Variants in PLCB1 observed in about 807,000 individuals in gnomAD.
PLCB1 encodes the protein 1-phosphatidylinositol 4,5-bisphosphate phosphodiesterase beta-1.
Under a neutral mutation model 161.8 loss-of-function variants are expected in PLCB1, and 46 were observed. That is an observed-to-expected ratio of 0.28 (90% confidence interval 0.22 to 0.36). The LOEUF (loss-of-function observed/expected upper bound fraction) is 0.36. Among genes scored for constraint, PLCB1 ranks in the 10% least tolerant of loss-of-function variants. PLCB1 has a pLI of 1.00. For missense variants in PLCB1, 1,016 were observed against 1,472.5 expected (o/e 0.69, Z 5.07); for synonymous variants, 517 against 503.7 (o/e 1.03, Z -0.35).
intron 3 of PLCB1, among the ~76,000 whole-genome samples, chr20:8,442,225 C>T (rs1013275184): frequency 1.3e-5 from 2 of 152,162 alleles, no homozygotes; most frequent in African/African-American, 4.8e-5. Context: ...CAGCAGAATA[C>T]ATGAGATGAT....
At chr20:8,225,453 C>T (rs1385815047) in intron 2 of PLCB1, among the ~76,000 whole-genome samples, 1 of 152,090 alleles carries the variant, frequency 6.6e-6, no homozygotes, top group African/African-American at 2.4e-5. Context: ...GCATATTTTC[C>T]AATTAAATAT....
At chr20:8,506,605 C>T (rs531039783) in intron 3 of PLCB1, among the ~76,000 whole-genome samples, 2 of 152,088 alleles carry the variant, frequency 1.3e-5, no homozygotes, top group Non-Finnish European at 2.9e-5. Flanking sequence ...AAATGAATTT[C>T]CATTTGTTGG....
At chr20:8,555,680 A>C (rs1184796501) in intron 3 of PLCB1, among the ~76,000 whole-genome samples, 3 of 152,132 alleles carry the variant, frequency 2.0e-5, no homozygotes, top group Admixed American at 6.6e-5. Flanking sequence ...TGATAAGGTA[A>C]AGCCAACTGT....
chr20:8,192,855 C>G (rs533103975), intron 2 of PLCB1, among the ~76,000 whole-genome samples: 34 of 151,856 alleles, frequency 2.2e-4, no homozygotes, highest in Admixed American at 6.6e-5. Flanking sequence ...ATGTGTGTGT[C>G]AGGGATTTCC....
In PLCB1 at chr20:8,704,072, G is replaced by A. The variant is rs151277870; in HGVS notation, c.1168-4598G>A. ...CATCATCAGAAAAGTTAGCAAAGAT[G>A]GCCAGGCGCAGTGGCTCATGCCTAT... On this transcript the variant is annotated intron_variant, in intron 11 of 31. Coordinates refer to ENST00000338037, the MANE Select transcript of PLCB1 (RefSeq NM_015192.4). 1.6e-4 allele frequency among the ~76,000 whole-genome samples: 24 copies of A among 152,288 alleles called. 1 individual carries two copies. In the East Asian group the frequency reaches 4.6e-3, roughly 29 times the overall value.
At chr20:8,247,756 G>T (rs2123216610) in intron 2 of PLCB1, among the ~76,000 whole-genome samples, 1 of 151,928 alleles carries the variant, frequency 6.6e-6, no homozygotes, top group East Asian at 2.0e-4. Flanking sequence ...ACCCTCTCAA[G>T]TCAGATCAGG....
intron 31 of PLCB1, among the ~76,000 whole-genome samples, chr20:8,811,880 T>A (rs895844702): frequency 6.6e-6 from 1 of 152,186 alleles, no homozygotes; most frequent in African/African-American, 2.4e-5. Context: ...AATAAACTCA[T>A]ATATTTCCTT....
intron 3 of PLCB1, among the ~76,000 whole-genome samples, chr20:8,435,909 C>T (rs907982574): frequency 3.9e-4 from 59 of 152,188 alleles, no homozygotes; most frequent in African/African-American, 1.3e-3. Context: ...GATGAACTCT[C>T]CTAAGATTTC....
chr20:8,778,588 G>C (rs1983056883), intron 27 of PLCB1, among the ~76,000 whole-genome samples: 1 of 152,170 alleles, frequency 6.6e-6, no homozygotes, highest in South Asian at 2.1e-4. Context: ...AGTACACATT[G>C]TAAAAGTTTT....
At chr20:8,794,817 C>A (rs79331770) in intron 31 of PLCB1, among the ~76,000 whole-genome samples, 2,083 of 152,282 alleles carry the variant, frequency 0.014, 39 homozygotes, top group African/African-American at 0.048. Context: ...AAGTAACAAA[C>A]AGATATTTTG....
At chr20:8,692,547 G>A (rs976197496) in intron 10 of PLCB1, among the ~76,000 whole-genome samples, 6 of 152,156 alleles carry the variant, frequency 3.9e-5, no homozygotes, top group Admixed American at 2.0e-4. Flanking sequence ...GGTTCTTGTG[G>A]CTGAAAGTAA....
chr20:8,183,453 G>T (rs913083280), intron 2 of PLCB1, among the ~76,000 whole-genome samples: 3 of 152,070 alleles, frequency 2.0e-5, no homozygotes, highest in Non-Finnish European at 4.4e-5. Context: ...CAATGCATTT[G>T]ATCTTTCAGC....
rs116885072 is a variant in PLCB1, at chr20:8,341,359, G to A, written c.178-30023G>A. On this transcript the variant is annotated intron_variant, in intron 2 of 31. Transcript: ENST00000338037. ...ACACACTCCATTATAACTGTTGTCC[G>A]CTCCACTCTGCTGAAAAGTTGCCAA... Among the ~76,000 whole-genome samples, 274 of 152,152 alleles carry A rather than the reference G, an allele frequency of 1.8e-3. 8 individuals carry two copies. The East Asian group carries it at 0.047, about 26-fold the overall frequency.
intron 9 of PLCB1, among the ~76,000 whole-genome samples, chr20:8,676,393 CAAAGAAAG>C (rs60373026): frequency 4.2e-5 from 6 of 143,370 alleles, no homozygotes; most frequent in Non-Finnish European, 6.0e-5. Context: ...GAAAGAGAGA[CAAAGAAAG>C]AAAGAAAGAA....
chr20:8,380,338 C>T (rs1368820166), intron 3 of PLCB1, among the ~76,000 whole-genome samples: 4 of 152,184 alleles, frequency 2.6e-5, no homozygotes, highest in African/African-American at 4.8e-5. Flanking sequence ...CCACCTGTTT[C>T]GGTTACTGTA....
chr20:8,614,995 C>T (rs1443173576), intron 3 of PLCB1, among the ~76,000 whole-genome samples: 1 of 152,098 alleles, frequency 6.6e-6, no homozygotes, highest in Non-Finnish European at 1.5e-5. Context: ...CTGGAAAAAA[C>T]TCACCTATGA....
chr20:8,509,015 G>A (rs758492689), intron 3 of PLCB1, among the ~76,000 whole-genome samples: 16 of 151,998 alleles, frequency 1.1e-4, no homozygotes, highest in Non-Finnish European at 1.8e-4. Context: ...TTACTTGAAC[G>A]GAGGGCAGAC....
intron 3 of PLCB1, among the ~76,000 whole-genome samples, chr20:8,444,881 C>A (rs1158829757): frequency 6.6e-6 from 1 of 151,324 alleles, no homozygotes; most frequent in African/African-American, 2.4e-5. Context: ...CCTTTGCCTA[C>A]TTTTTGATGA....
intron 9 of PLCB1, among the ~76,000 whole-genome samples, chr20:8,682,666 A>G (rs1255618099): frequency 1.3e-5 from 2 of 152,210 alleles, no homozygotes; most frequent in African/African-American, 4.8e-5. Context: ...CTTAGCAATC[A>G]AGAATAAATA....
Sources: gnomAD v4.1 joint callset for allele counts (sites outside exome capture counted in the v4.1 genomes callset) on GRCh38, gnomAD v4.1.1 for gene constraint, MANE v1.5 for transcripts, NCBI Gene and HGNC (gene_info 2026-07-23, HGNC 2026-07-21) for gene names.